Variants in PTPN14 observed in about 807,000 individuals in gnomAD.
PTPN14 encodes the protein protein tyrosine phosphatase non-receptor type 14.
A neutral mutation model predicts 126.8 loss-of-function variants in PTPN14; 53 were observed. The ratio of observed to expected loss-of-function variants is 0.42; its 90% CI spans 0.34 to 0.53. The LOEUF (loss-of-function observed/expected upper bound fraction) is 0.53, where lower values mean the gene tolerates loss of function less well. Ranked by LOEUF, PTPN14 falls within the 20% of genes least tolerant of loss-of-function variation. PTPN14 has a pLI of 0.08. For missense variants in PTPN14, 1,257 were observed against 1,552.9 expected (o/e 0.81, Z 3.20); for synonymous variants, 630 against 599.3 (o/e 1.05, Z -0.75).
chr1:214,395,099 C>G, intron 8 of PTPN14, 113 bp from the exon 9 acceptor site: 1 of 917,928 alleles, frequency 1.1e-6, no homozygotes, highest in Non-Finnish European at 1.8e-6. Flanking sequence ...TATGATTTAA[C>G]TATTTTTTAA....
chr1:214,409,431 CATT>C (rs1659247567), intron 5 of PTPN14, among the ~76,000 whole-genome samples: 1 of 152,158 alleles, frequency 6.6e-6, no homozygotes, highest in Non-Finnish European at 1.5e-5. Flanking sequence ...AATAGTATTC[CATT>C]GTGAGTATAC....
At chr1:214,548,548 T>C (rs1656028177) in intron 1 of PTPN14, among the ~76,000 whole-genome samples, 1 of 152,212 alleles carries the variant, frequency 6.6e-6, no homozygotes, top group Non-Finnish European at 1.5e-5. Flanking sequence ...AGGCTTAAAA[T>C]GAATTTTTTA....
At position 214,497,012 on chromosome 1, in the gene PTPN14, A is replaced by G. The variant is rs1233010141; in HGVS notation, c.-154-32055T>C. 3.3e-5 allele frequency among the ~76,000 whole-genome samples: 5 copies of G among 152,152 alleles called. No individual in the cohort carries two copies. The East Asian group carries it at 9.6e-4, about 29-fold the overall frequency. On this transcript the variant is annotated intron_variant, in intron 1 of 18. Transcript: ENST00000366956. ...ATAAGATCCAAAACTGAGAGACCAT[A>G]CAGATTTTATTAAATAAATTAAAAC...
intron 1 of PTPN14, among the ~76,000 whole-genome samples, chr1:214,498,119 G>A (rs1040736752): frequency 6.6e-6 from 1 of 152,076 alleles, no homozygotes; most frequent in Non-Finnish European, 1.5e-5. Flanking sequence ...ACAAAGTACT[G>A]GGGGAAGTAT....
At chr1:214,550,319 C>A (rs1170633634) in intron 1 of PTPN14, among the ~76,000 whole-genome samples, 1 of 152,204 alleles carries the variant, frequency 6.6e-6, no homozygotes, top group East Asian at 1.9e-4. Context: ...TCTAGAGATT[C>A]CTCACCTTCA....
intron 1 of PTPN14, among the ~76,000 whole-genome samples, chr1:214,534,003 C>T (rs1023502751): frequency 1.3e-5 from 2 of 151,930 alleles, no homozygotes; most frequent in African/African-American, 2.4e-5. Flanking sequence ...TTGTTTTACT[C>T]AATGTAATAG....
Position 214,352,631 on chromosome 1 carries a change from C to T in PTPN14, c.*5291G>A, listed in dbSNP as rs1657727772. 1.3e-5 allele frequency: 2 copies of T among 152,208 alleles called. No individual in the cohort carries two copies. Among genetic ancestry groups the T allele is most frequent in the Non-Finnish European group, 1.5e-5 (1 of 68,036 alleles). The allele number at this position is 152,208 out of a possible 1,614,324, so 9.4% of individuals were successfully genotyped here. A position where few individuals can be genotyped will look rare whatever the true frequency, so the allele number is the denominator to read the frequency against. Reference sequence around the variant, plus strand: ...CTATTTTGCTTCCTTGCTCAGCGTTCAAGAGAAGTATCAAATGCAGTTTAA... The same window carrying T: ...CTATTTTGCTTCCTTGCTCAGCGTTTAAGAGAAGTATCAAATGCAGTTTAA... On this transcript the variant is annotated 3_prime_UTR_variant, in exon 19 of 19. Coordinates refer to ENST00000366956, the MANE Select transcript of PTPN14 (RefSeq NM_005401.5).
intron 13 of PTPN14, among the ~76,000 whole-genome samples, chr1:214,379,596 T>A (rs1025655153): frequency 6.6e-6 from 1 of 152,220 alleles, no homozygotes; most frequent in Non-Finnish European, 1.5e-5. Flanking sequence ...AAAGTCAAGC[T>A]GGGCACTGCT....
At chr1:214,378,165 T>C in intron 13 of PTPN14, 63 bp from the exon 14 acceptor site, 1 of 1,517,524 alleles carries the variant, frequency 6.6e-7, no homozygotes, top group Non-Finnish European at 8.9e-7. Flanking sequence ...GGAATGTGTT[T>C]TAATCTCCTC....
intron 3 of PTPN14, among the ~76,000 whole-genome samples, chr1:214,425,057 A>C (rs1441893667): frequency 6.6e-6 from 1 of 152,082 alleles, no homozygotes; most frequent in Non-Finnish European, 1.5e-5. Context: ...TCGGCCTCCC[A>C]AAGCGCTGGG....
At position 214,527,422 on chromosome 1, in the gene PTPN14, C is replaced by T. The variant is rs143176634; in HGVS notation, c.-155+23761G>A. 5.2e-3 allele frequency among the ~76,000 whole-genome samples: 785 copies of T among 152,260 alleles called. 10 individuals are homozygous for T. Among genetic ancestry groups the T allele is most frequent in the African/African-American group, 0.018 (758 of 41,548 alleles). On this transcript the variant is annotated intron_variant, in intron 1 of 18. Transcript: ENST00000366956. ...ATTCTTAACCCAAAAGGCCTAGTAT[C>T]TGGGGAAATCACTTCAGAATTCAAA... is the stretch of plus-strand genomic sequence containing the variant.
intron 3 of PTPN14, among the ~76,000 whole-genome samples, chr1:214,449,409 T>C (rs149030180): frequency 6.6e-6 from 1 of 152,318 alleles, no homozygotes; most frequent in East Asian, 1.9e-4. Context: ...CAATAGGCCT[T>C]ACAGGATAGG....
rs1356671412 is a variant in PTPN14 at position 214,551,276 on chromosome 1, T to C, written c.-248A>G. On this transcript the variant is annotated 5_prime_UTR_variant, in exon 1 of 19. Transcript: ENST00000366956. Reference sequence around the variant, plus strand: ...CGATTCCCCACGGAATTGATTCCAGTGACTGGCGGAGGAGGGGCGAAGGGA... The same window carrying C: ...CGATTCCCCACGGAATTGATTCCAGCGACTGGCGGAGGAGGGGCGAAGGGA... 6.6e-6 allele frequency: 1 copy of C among 152,274 alleles called. No homozygotes were observed. Among genetic ancestry groups the C allele is most frequent in the African/African-American group, 2.4e-5 (1 of 41,412 alleles). 9.4% of individuals were successfully genotyped at this position (152,274 alleles called of 1,614,324 possible).
chr1:214,468,169 T>C (rs1572019190), intron 1 of PTPN14, among the ~76,000 whole-genome samples: 1 of 152,348 alleles, frequency 6.6e-6, no homozygotes, highest in East Asian at 1.9e-4. Context: ...TGTAGGAGAA[T>C]AGATGGAATT....
chr1:214,505,952 T>C (rs1571630424), intron 1 of PTPN14, among the ~76,000 whole-genome samples: 1 of 152,234 alleles, frequency 6.6e-6, no homozygotes, highest in Middle Eastern at 3.4e-3. Context: ...GAATAGTCAG[T>C]TCAGCACAGA....
At chr1:214,387,540 G>A (rs1011756384) in intron 11 of PTPN14, among the ~76,000 whole-genome samples, 2 of 151,944 alleles carry the variant, frequency 1.3e-5, no homozygotes, top group East Asian at 1.9e-4. Context: ...TTATCTGGGC[G>A]TGGCGACATG....
intron 1 of PTPN14, among the ~76,000 whole-genome samples, chr1:214,538,335 G>A (rs1655757905): frequency 6.6e-6 from 1 of 152,218 alleles, no homozygotes; most frequent in African/African-American, 2.4e-5. Context: ...CTTACTAGCT[G>A]TGAGAGCTGA....
At position 214,364,757 on chromosome 1, in the gene PTPN14, C is replaced by T; in HGVS notation, c.3272-82G>A. On this transcript the variant is annotated intron_variant, in intron 17 of 18. Coordinates refer to ENST00000366956, the MANE Select transcript of PTPN14 (RefSeq NM_005401.5). The surrounding 1 kb of genome is among the most constrained non-coding windows in gnomAD (Gnocchi z 4.1). ...TTGGGGAGGGGGGAGCGGAAGAGAA[C>T]TGATGGTGAGTGTGTGTGTGTGTGT... is the stretch of plus-strand genomic sequence containing the variant. 1 of 1,000,444 alleles carries T rather than the reference C, an allele frequency of 1.0e-6. No homozygotes were observed. The highest frequency in any genetic ancestry group is 1.4e-6 in the Non-Finnish European group (1 of 716,886). 62.0% of individuals were successfully genotyped at this position (1,000,444 alleles called of 1,614,324 possible). A position where few individuals can be genotyped will look rare whatever the true frequency, so the allele number is the denominator to read the frequency against.
In PTPN14 at chr1:214,384,514, T is replaced by C; in HGVS notation, c.1341A>G (p.Thr447=). The C allele has an allele frequency of 6.2e-7, 1 of 1,614,102 alleles. No homozygotes were observed. Residue 447 remains threonine, a synonymous_variant, in exon 13 of 19, where the codon ACA becomes ACG. Coordinates refer to ENST00000366956, the MANE Select transcript of PTPN14 (RefSeq NM_005401.5). This position sits in a 1 kb window ranked among gnomAD's most constrained non-coding sequence, Gnocchi z 5.3. ...PSYRPTPDYE[T]VMRQMKRGIL... ...TCCCCCTCTTCATCTGGCGCATGAC[T>C]GTCTCATAATCGGGGGTTGGCCTGT...
Sources: allele counts gnomAD v4.1 joint callset (sites outside exome capture counted in the v4.1 genomes callset), GRCh38; gene constraint gnomAD v4.1.1; non-coding constraint Gnocchi (gnomAD v3.1); transcripts MANE v1.5; gene names NCBI Gene and HGNC (gene_info 2026-07-23, HGNC 2026-07-21).